The following HRH2 variants were observed in gnomAD, a reference collection of about 807,000 sequenced individuals.
HRH2 encodes histamine receptor H2, also known as histamine H2 receptor.
A neutral mutation model predicts 20.1 loss-of-function variants in HRH2; 4 were observed. The observed-to-expected ratio is 0.20, with a 90% CI of 0.10 to 0.45. The LOEUF (loss-of-function observed/expected upper bound fraction) is 0.45, where lower values mean the gene tolerates loss of function less well. Among genes scored for constraint, HRH2 ranks in the 20% least tolerant of loss-of-function variants. The probability of loss-of-function intolerance (pLI) is 0.99; values close to 1 mark genes in which losing one functional copy is unlikely to be tolerated. For synonymous variants in HRH2, 197 were observed against 200.7 expected (o/e 0.98, Z 0.16); for missense variants, 250 against 461.6 (o/e 0.54, Z 4.20).
rs1475280758 is a variant in HRH2 at position 175,693,903 on chromosome 5, C to A, written c.1076+9594C>A. Among the ~76,000 whole-genome samples, 5 of 152,304 alleles carry A rather than the reference C, an allele frequency of 3.3e-5. No individual in the cohort carries two copies. The highest frequency in any genetic ancestry group is 1.3e-4 in the Admixed American group (2 of 15,300). ...GTCTCCCCCATTCACTCATCCCTTA[C>A]CAGACACTCTCGCAAGCTGGGAAGC... On this transcript the variant is annotated intron_variant, in intron 2 of 2. Transcript: ENST00000636584. The surrounding 1 kb of genome is among the most constrained non-coding windows in gnomAD (Gnocchi z 4.4).
chr5:175,695,398 G>A (rs1191982733), intron 2 of HRH2, among the ~76,000 whole-genome samples: 1 of 152,146 alleles, frequency 6.6e-6, no homozygotes, highest in Non-Finnish European at 1.5e-5. Context: ...AACAGTGTCC[G>A]GCACCCAGTG....
intron 1 of HRH2, among the ~76,000 whole-genome samples, chr5:175,666,603 A>ATT (rs200945262): frequency 1.3e-5 from 2 of 151,754 alleles, no homozygotes; most frequent in Non-Finnish European, 2.9e-5. Context: ...AAGTTTTTGT[A>ATT]TTTTTTTTGT....
rs1018543455 is a variant in HRH2, at chr5:175,687,249, C to T, written c.1076+2940C>T. ...GATATTCCCACCAAGACTGCCAGGGCGATCAGGGCCTCGTGTGTCCCTCGA... is the reference window on the plus strand; with the variant it reads ...GATATTCCCACCAAGACTGCCAGGGTGATCAGGGCCTCGTGTGTCCCTCGA... On this transcript the variant is annotated intron_variant, in intron 2 of 2. Transcript: ENST00000636584. This position sits in a 1 kb window ranked among gnomAD's most constrained non-coding sequence, Gnocchi z 5.2. Among the ~76,000 whole-genome samples the T allele has an allele frequency of 1.4e-4, 21 of 152,252 alleles. No individual in the cohort carries two copies. The highest frequency in any genetic ancestry group is 4.3e-4 in the African/African-American group (18 of 41,564).
intron 1 of HRH2, among the ~76,000 whole-genome samples, chr5:175,670,205 G>C (rs1468361185): frequency 6.6e-6 from 1 of 152,180 alleles, no homozygotes; most frequent in African/African-American, 2.4e-5. Flanking sequence ...AGCCAAAGCA[G>C]AAGGATCTCT....
chr5:175,680,434 G>A (rs917215222), intron 1 of HRH2, among the ~76,000 whole-genome samples: 1 of 152,220 alleles, frequency 6.6e-6, no homozygotes, highest in Non-Finnish European at 1.5e-5. Context: ...TCACTTCCTG[G>A]TGGAGGGGCT....
chr5:175,688,153 C>T (rs1266610097), intron 2 of HRH2, among the ~76,000 whole-genome samples: 2 of 152,232 alleles, frequency 1.3e-5, no homozygotes, highest in African/African-American at 2.4e-5. Flanking sequence ...GAAAGACACT[C>T]GCAATTGCAC....
chr5:175,671,102 T>C (rs1755521332), intron 1 of HRH2, among the ~76,000 whole-genome samples: 2 of 152,140 alleles, frequency 1.3e-5, no homozygotes, highest in Non-Finnish European at 2.9e-5. Flanking sequence ...TGCGTGGGGA[T>C]GGGGCAGTGC....
intron 1 of HRH2, among the ~76,000 whole-genome samples, chr5:175,662,815 A>G (rs1762777084): frequency 6.6e-6 from 1 of 151,994 alleles, no homozygotes; most frequent in Non-Finnish European, 1.5e-5. Flanking sequence ...CCACATTAGC[A>G]CTCACCCTCT....
intron 1 of HRH2, among the ~76,000 whole-genome samples, chr5:175,667,911 A>C (rs1036511972): frequency 6.6e-6 from 1 of 152,206 alleles, no homozygotes; most frequent in East Asian, 1.9e-4. Context: ...TAAAATATTC[A>C]CATGAACAAA....
intron 2 of HRH2, among the ~76,000 whole-genome samples, chr5:175,696,709 G>A (rs535183956): frequency 1.1e-4 from 16 of 152,318 alleles, no homozygotes; most frequent in Admixed American, 1.0e-3. Context: ...TGCTTCTTCC[G>A]TGGGACCTGC....
chr5:175,705,491 TA>T (rs113563752), intron 2 of HRH2, among the ~76,000 whole-genome samples: 24 of 152,216 alleles, frequency 1.6e-4, no homozygotes, highest in African/African-American at 5.8e-4. Context: ...TACCTTTTTT[TA>T]AAAAATTATG....
intron 2 of HRH2, among the ~76,000 whole-genome samples, chr5:175,697,992 A>G (rs17065334): frequency 0.1 from 15,559 of 152,162 alleles, 2,508 homozygotes; most frequent in African/African-American, 0.34. Flanking sequence ...TGGCCATACA[A>G]TCTTGCTGGT....
Position 175,683,091 on chromosome 5 carries a change from C to CAAAAAA in HRH2, c.-127_-122dup, listed in dbSNP as rs35616765. On this transcript the variant is annotated 5_prime_UTR_variant, in exon 2 of 3. Transcript: ENST00000636584. ...ATTGAAGCCTTCCCCACCCCCTGGC[C>CAAAAAA]AAAAAAAAAAAAAAAAAAAAACTGG... The CAAAAAA allele has an allele frequency of 3.0e-3, 1,758 of 582,714 alleles. 6 individuals carry two copies. The highest frequency in any genetic ancestry group is 0.022 in the African/African-American group (674 of 30,770). 36.1% of individuals were successfully genotyped at this position (582,714 alleles called of 1,614,324 possible).
At chr5:175,691,885 A>G (rs1315505226) in intron 2 of HRH2, among the ~76,000 whole-genome samples, 1 of 147,456 alleles carries the variant, frequency 6.8e-6, no homozygotes, top group East Asian at 2.0e-4. Context: ...GAAAAAAGAG[A>G]AAAAAAAAAG....
intron 2 of HRH2, among the ~76,000 whole-genome samples, chr5:175,694,046 A>G (rs1374443466): frequency 2.0e-5 from 3 of 152,138 alleles, no homozygotes; most frequent in African/African-American, 2.4e-5. Flanking sequence ...TGTCTTCTTC[A>G]TCTGAAAAAT....
At chr5:175,662,833 C>T (rs1762778282) in intron 1 of HRH2, among the ~76,000 whole-genome samples, 1 of 152,218 alleles carries the variant, frequency 6.6e-6, no homozygotes, top group South Asian at 2.1e-4. Context: ...TCTATCCACT[C>T]CCCACTCCCA....
rs1168389338 is a variant in HRH2 at position 175,669,457 on chromosome 5, A to AG, written c.-526+11304dup. On this transcript the variant is annotated intron_variant, in intron 1 of 2. Coordinates refer to ENST00000636584, the MANE Select transcript of HRH2 (RefSeq NM_001367711.1). Reference sequence around the variant, plus strand: ...CGGCTCACTGCAACCTCCGCCTGCCAGGTTCAAGTGATTCTCCTGCCTCAG... The same window carrying AG: ...CGGCTCACTGCAACCTCCGCCTGCCAGGGTTCAAGTGATTCTCCTGCCTCAG... 2.0e-5 allele frequency among the ~76,000 whole-genome samples: 3 copies of AG among 149,176 alleles called. No homozygotes were observed. In the Admixed American group the frequency reaches 2.0e-4, roughly 10 times the overall value.
chr5:175,689,223 A>C (rs1756279341), intron 2 of HRH2, among the ~76,000 whole-genome samples: 1 of 152,106 alleles, frequency 6.6e-6, no homozygotes, highest in Non-Finnish European at 1.5e-5. Context: ...CCCTGTCTCC[A>C]AGGCCCTGCC....
chr5:175,662,638 T>C (rs1205279565), intron 1 of HRH2, among the ~76,000 whole-genome samples: 1 of 152,176 alleles, frequency 6.6e-6, no homozygotes, highest in African/African-American at 2.4e-5. Flanking sequence ...AAGGTGGTCT[T>C]CTTTTTTAAC....
Sources: allele counts gnomAD v4.1 joint callset (sites outside exome capture counted in the v4.1 genomes callset), GRCh38; gene constraint gnomAD v4.1.1; non-coding constraint Gnocchi (gnomAD v3.1); transcripts MANE v1.5; gene names NCBI Gene and HGNC (gene_info 2026-07-23, HGNC 2026-07-21).